ANO4: variants seen among roughly 807,000 people sequenced by gnomAD.
The protein encoded by ANO4 is anoctamin 4, also known as anoctamin-4.
ANO4 carries 69 observed loss-of-function variants against 141.9 expected under a neutral mutation model. That is an observed-to-expected ratio of 0.49 (90% confidence interval 0.40 to 0.59). The LOEUF (loss-of-function observed/expected upper bound fraction) is 0.59. Ranked by LOEUF, ANO4 falls within the 20% of genes least tolerant of loss-of-function variation. The pLI is 0.00. For synonymous variants in ANO4, 350 were observed against 394.3 expected (o/e 0.89, Z 1.33); for missense variants, 894 against 1,162.2 (o/e 0.77, Z 3.36).
At chr12:100,733,029 CA>C in intron 1 of ANO4, among the ~76,000 whole-genome samples, 1 of 152,226 alleles carries the variant, frequency 6.6e-6, no homozygotes, top group African/African-American at 2.4e-5. Flanking sequence ...ATGGTTTGAC[CA>C]CCACTATTTC....
intron 1 of ANO4, among the ~76,000 whole-genome samples, chr12:100,720,750 G>A (rs555712731): frequency 6.6e-6 from 1 of 152,268 alleles, no homozygotes; most frequent in South Asian, 2.1e-4. Flanking sequence ...GTAAACTGGA[G>A]CAAGAAAGTT....
At chr12:100,995,150 A>G (rs2045313438) in intron 8 of ANO4, among the ~76,000 whole-genome samples, 2 of 140,260 alleles carry the variant, frequency 1.4e-5, no homozygotes, top group South Asian at 4.9e-4. Flanking sequence ...GGAGGACTGC[A>G]TGGGGGTGGG....
chr12:101,001,156 A>G lies in ANO4; in HGVS notation c.734+13486A>G, dbSNP rs375021552. On this transcript the variant is annotated intron_variant, in intron 8 of 27. Transcript: ENST00000392977. Reference sequence around the variant, plus strand: ...ATCAGAATGGTAAAAGGCAATTTAAAACACCTATAGGAAAGGGAAAGAGTT... The same window carrying G: ...ATCAGAATGGTAAAAGGCAATTTAAGACACCTATAGGAAAGGGAAAGAGTT... Among the ~76,000 whole-genome samples, 4 of 152,368 alleles carry G rather than the reference A, an allele frequency of 2.6e-5. No homozygotes were observed. The East Asian group carries it at 7.7e-4, about 29-fold the overall frequency.
At chr12:100,775,078 A>C (rs2033449810) in intron 3 of ANO4, among the ~76,000 whole-genome samples, 1 of 152,236 alleles carries the variant, frequency 6.6e-6, no homozygotes, top group East Asian at 1.9e-4. Flanking sequence ...GCCTGATTAC[A>C]CTGCCTCCTT....
chr12:100,839,913 C>T (rs992428854), intron 1 of ANO4, among the ~76,000 whole-genome samples: 4 of 152,196 alleles, frequency 2.6e-5, no homozygotes, highest in South Asian at 2.1e-4. Context: ...TCACACTGCC[C>T]GTCTTCATAT....
At chr12:100,784,994 CT>C (rs1004657253) in intron 3 of ANO4, among the ~76,000 whole-genome samples, 1 of 151,812 alleles carries the variant, frequency 6.6e-6, no homozygotes, top group Middle Eastern at 3.2e-3. Context: ...AAACAAAGCC[CT>C]TTGTTTTCTA....
chr12:101,096,191 A>G (rs1179628141), intron 18 of ANO4, among the ~76,000 whole-genome samples: 1 of 152,154 alleles, frequency 6.6e-6, no homozygotes, highest in Non-Finnish European at 1.5e-5. Flanking sequence ...AGGAAAAGAA[A>G]AGGCTACTGC....
chr12:100,875,417 G>C (rs1296059301), intron 1 of ANO4, among the ~76,000 whole-genome samples: 1 of 152,214 alleles, frequency 6.6e-6, no homozygotes, highest in Non-Finnish European at 1.5e-5. Flanking sequence ...ACTCAGACAC[G>C]TACTACAAGG....
At chr12:100,727,483 G>T (rs1292226332) in intron 1 of ANO4, among the ~76,000 whole-genome samples, 1 of 151,854 alleles carries the variant, frequency 6.6e-6, no homozygotes, top group Non-Finnish European at 1.5e-5. Context: ...AGTAATATAG[G>T]TACCCTGGCT....
intron 14 of ANO4, among the ~76,000 whole-genome samples, chr12:101,077,134 G>A (rs2049053956): frequency 6.6e-6 from 1 of 152,184 alleles, no homozygotes; most frequent in Non-Finnish European, 1.5e-5. Flanking sequence ...TAAGCAGCTG[G>A]TGCCTATGTG....
chr12:100,941,766 A>AG (rs2042521897), intron 4 of ANO4, among the ~76,000 whole-genome samples: 1 of 151,964 alleles, frequency 6.6e-6, no homozygotes, highest in Non-Finnish European at 1.5e-5. Context: ...CAGAGTGAGC[A>AG]TATCAATTTT....
chr12:100,814,737 A>G (rs1180621764), intron 1 of ANO4, among the ~76,000 whole-genome samples: 1 of 152,112 alleles, frequency 6.6e-6, no homozygotes, highest in Non-Finnish European at 1.5e-5. Context: ...CATAATATGT[A>G]TGAGGTTGAT....
chr12:100,994,664 T>C (rs2045290050), intron 8 of ANO4, among the ~76,000 whole-genome samples: 1 of 152,168 alleles, frequency 6.6e-6, no homozygotes. Flanking sequence ...TAAATACCAG[T>C]TCTTAAGAGA....
chr12:101,051,306 G>T (rs1487911182), intron 14 of ANO4, among the ~76,000 whole-genome samples: 5 of 152,254 alleles, frequency 3.3e-5, no homozygotes, highest in Non-Finnish European at 5.9e-5. Context: ...CAGCCCTTGT[G>T]GTTTGGAGTA....
chr12:100,942,873 T>C (rs2042573809), intron 5 of ANO4, among the ~76,000 whole-genome samples: 1 of 152,228 alleles, frequency 6.6e-6, no homozygotes, highest in Non-Finnish European at 1.5e-5. Context: ...AAGAAAACTT[T>C]GAGTGAAATC....
At chr12:101,021,865 TATC>T (rs1338070760) in intron 9 of ANO4, among the ~76,000 whole-genome samples, 1 of 152,174 alleles carries the variant, frequency 6.6e-6, no homozygotes, top group Non-Finnish European at 1.5e-5. Flanking sequence ...TTTACATTAA[TATC>T]ACTGTAAAAA....
intron 10 of ANO4, among the ~76,000 whole-genome samples, chr12:101,037,355 G>A (rs1441755507): frequency 1.3e-5 from 2 of 152,050 alleles, no homozygotes; most frequent in Admixed American, 6.6e-5. Flanking sequence ...ATGTAATTGC[G>A]AGAATACTTA....
At chr12:101,017,007 C>A (rs983027263) in intron 8 of ANO4, among the ~76,000 whole-genome samples, 1 of 152,182 alleles carries the variant, frequency 6.6e-6, no homozygotes, top group African/African-American at 2.4e-5. Flanking sequence ...TCAGCATACT[C>A]AGAGCTAAAA....
At chr12:100,976,309 G>A (rs1483781592) in intron 7 of ANO4, among the ~76,000 whole-genome samples, 2 of 152,204 alleles carry the variant, frequency 1.3e-5, no homozygotes, top group Non-Finnish European at 1.5e-5. Context: ...TCAAATGCAT[G>A]TTTACTCAGT....
Sources: gnomAD v4.1 joint callset for allele counts (sites outside exome capture counted in the v4.1 genomes callset) on GRCh38, gnomAD v4.1.1 for gene constraint, MANE v1.5 for transcripts, NCBI Gene and HGNC (gene_info 2026-07-23, HGNC 2026-07-21) for gene names.